Variants in FHL5 observed in about 807,000 individuals in gnomAD.
FHL5 encodes four and a half LIM domains 5.
In FHL5, 33 loss-of-function variants were observed where a neutral mutation model predicts 32.0. That is an observed-to-expected ratio of 1.03 (90% CI 0.78 to 1.38). The LOEUF is 1.38. Among genes scored for constraint, FHL5 ranks in the 40% most tolerant of loss-of-function variants. The pLI is 0.00. For missense variants in FHL5, 336 were observed against 343.9 expected, an observed-to-expected ratio of 0.98 and a Z score of 0.18; for synonymous variants, 114 against 113.6, an observed-to-expected ratio of 1.00 and a Z score of -0.02.
At chr6:96,614,594 C>T (rs1207173897) in intron 5 of FHL5, among the ~76,000 whole-genome samples, 1 of 152,114 alleles carries the variant, frequency 6.6e-6, no homozygotes, top group African/African-American at 2.4e-5. Context: ...TTGGAAATTA[C>T]ATATGAATTA....
At chr6:96,606,505 C>G (rs777004278) in intron 4 of FHL5, among the ~76,000 whole-genome samples, 1 of 152,102 alleles carries the variant, frequency 6.6e-6, no homozygotes, top group Non-Finnish European at 1.5e-5. Context: ...GTGCGTGCCA[C>G]TGTGTCCAGC....
chr6:96,592,711 T>C (rs1417111548), intron 1 of FHL5, among the ~76,000 whole-genome samples: 3 of 152,148 alleles, frequency 2.0e-5, no homozygotes, highest in African/African-American at 7.2e-5. Flanking sequence ...AATTTGGGGA[T>C]CTAATAAATG....
Position 96,580,016 on chromosome 6 carries a change from A to G in FHL5, c.-13+16661A>G, listed in dbSNP as rs148237554. The stretch of plus-strand genomic sequence containing the variant: ...ACTGCTGGTAGACTTGCAAAGAGAT[A>G]GGATACTTGTATCCTTCAACTTGGC... On this transcript the variant is annotated intron_variant, in intron 1 of 5. Transcript: ENST00000450218. 2.9e-3 allele frequency among the ~76,000 whole-genome samples: 449 copies of G among 152,346 alleles called. 1 individual carries two copies. The highest frequency in any genetic ancestry group is 0.01 in the African/African-American group (427 of 41,580).
intron 1 of FHL5, among the ~76,000 whole-genome samples, chr6:96,566,263 G>T (rs970556679): frequency 6.6e-6 from 1 of 151,896 alleles, no homozygotes; most frequent in African/African-American, 2.4e-5. Context: ...TTATCTTTCT[G>T]TGTCTAGCTT....
chr6:96,573,268 C>T (rs1299282198), intron 1 of FHL5, among the ~76,000 whole-genome samples: 1 of 152,116 alleles, frequency 6.6e-6, no homozygotes, highest in Non-Finnish European at 1.5e-5. Flanking sequence ...AACTGTCTAT[C>T]ATCAATTTTG....
intron 1 of FHL5, among the ~76,000 whole-genome samples, chr6:96,585,040 T>C (rs1158456096): frequency 6.6e-6 from 1 of 152,178 alleles, no homozygotes; most frequent in African/African-American, 2.4e-5. Context: ...AAAATCCTAC[T>C]GACTGTCCAT....
At chr6:96,615,180 A>T (rs1358306675) in intron 5 of FHL5, among the ~76,000 whole-genome samples, 1 of 152,184 alleles carries the variant, frequency 6.6e-6, no homozygotes, top group African/African-American at 2.4e-5. Context: ...ATTTCCTTTT[A>T]TCTTCATTTT....
chr6:96,579,857 G>C (rs540921556), intron 1 of FHL5, among the ~76,000 whole-genome samples: 1 of 152,342 alleles, frequency 6.6e-6, no homozygotes, highest in Admixed American at 6.5e-5. Flanking sequence ...TAAAAGGACA[G>C]ATAGGACTCC....
intron 2 of FHL5, among the ~76,000 whole-genome samples, chr6:96,604,307 TTCTC>T (rs3839356): frequency 0.039 from 5,752 of 145,768 alleles, 134 homozygotes; most frequent in African/African-American, 0.054. Context: ...TCCTCTCTCT[TTCTC>T]TCTCTCTCTC....
chr6:96,586,375 A>G (rs1358843015), intron 1 of FHL5, among the ~76,000 whole-genome samples: 1 of 152,222 alleles, frequency 6.6e-6, no homozygotes, highest in Non-Finnish European at 1.5e-5. Context: ...ACTGAAATAA[A>G]CTCATACTAA....
rs1423840968 is a variant in FHL5, at chr6:96,617,327, T to C, written c.*1555T>C. On this transcript the variant is annotated 3_prime_UTR_variant, in exon 6 of 6. Transcript: ENST00000450218. Reference sequence around the variant, plus strand: ...AAAGGTTTTGATTAAAATCTAATTGTAAGATACTGCTGATTACAATTACCA... The same window carrying C: ...AAAGGTTTTGATTAAAATCTAATTGCAAGATACTGCTGATTACAATTACCA... Among the ~76,000 whole-genome samples the C allele has an allele frequency of 1.3e-5, 2 of 152,334 alleles. No individual in the cohort carries two copies. Among genetic ancestry groups the C allele is most frequent in the East Asian group, 3.9e-4 (2 of 5,188 alleles).
rs1017263588 is a variant in FHL5 at position 96,603,635 on chromosome 6, T to G, written c.22T>G (p.Cys8Gly). MTTAHFY[C>G]QYCTASLLGK... ...CAAAATGACAACTGCTCACTTTTAC[T>G]GTCAATACTGCACAGCATCACTTCT... is the stretch of plus-strand genomic sequence containing the variant. Residue 8 changes from cysteine (C) to glycine (G), a missense_variant, in exon 2 of 6, where the codon TGT (cysteine) becomes GGT (glycine). Physicochemically the swap from Cys to Gly is radical, Grantham distance 159. Coordinates refer to ENST00000450218, the MANE Select transcript of FHL5 (RefSeq NM_001322466.2). 1 of 1,612,034 alleles carries G rather than the reference T, an allele frequency of 6.2e-7. No individual in the cohort carries two copies. Among genetic ancestry groups the G allele is most frequent in the African/African-American group, 1.3e-5 (1 of 74,876 alleles).
At chr6:96,571,617 A>G (rs1158683106) in intron 1 of FHL5, among the ~76,000 whole-genome samples, 10 of 152,138 alleles carry the variant, frequency 6.6e-5, no homozygotes, top group Non-Finnish European at 1.3e-4. Flanking sequence ...GCCAGGATCT[A>G]TGATTCTGAG....
At chr6:96,581,032 A>G (rs1770686068) in intron 1 of FHL5, among the ~76,000 whole-genome samples, 1 of 152,140 alleles carries the variant, frequency 6.6e-6, no homozygotes, top group Admixed American at 6.6e-5. Flanking sequence ...ATAGAAAATA[A>G]TTTCTTGATT....
chr6:96,599,191 CTTTT>C (rs67400814), intron 1 of FHL5, among the ~76,000 whole-genome samples: 5 of 111,550 alleles, frequency 4.5e-5, no homozygotes, highest in African/African-American at 1.1e-4. Context: ...GAACTTACAT[CTTTT>C]TTTTTTTTTT....
intron 1 of FHL5, among the ~76,000 whole-genome samples, chr6:96,597,451 G>A (rs910476258): frequency 1.2e-4 from 19 of 152,064 alleles, no homozygotes; most frequent in African/African-American, 4.1e-4. Flanking sequence ...TTGATTTCCT[G>A]TTTATGGTAT....
intron 1 of FHL5, among the ~76,000 whole-genome samples, chr6:96,589,008 T>C (rs1770859819): frequency 6.6e-6 from 1 of 152,128 alleles, no homozygotes; most frequent in Non-Finnish European, 1.5e-5. Context: ...GCCTTTCATA[T>C]TGATGATGGA....
At chr6:96,605,414 TCAA>T (rs1226715386) in intron 3 of FHL5, among the ~76,000 whole-genome samples, 5 of 152,218 alleles carry the variant, frequency 3.3e-5, no homozygotes, top group Admixed American at 3.3e-4. Flanking sequence ...TTTGATCTTC[TCAA>T]TCTCTATGGT....
At chr6:96,578,576 T>C (rs1770633139) in intron 1 of FHL5, among the ~76,000 whole-genome samples, 1 of 152,198 alleles carries the variant, frequency 6.6e-6, no homozygotes, top group Non-Finnish European at 1.5e-5. Context: ...GCACAGTGGC[T>C]CACGCCTGTA....
Sources: gnomAD v4.1 joint callset for allele counts (sites outside exome capture counted in the v4.1 genomes callset) on GRCh38, gnomAD v4.1.1 for gene constraint, MANE v1.5 for transcripts, NCBI Gene and HGNC (gene_info 2026-07-23, HGNC 2026-07-21) for gene names.